AMOT: variants seen among roughly 807,000 people sequenced by gnomAD.
AMOT encodes angiomotin.
A neutral mutation model predicts 67.0 loss-of-function variants in AMOT; 11 were observed. The ratio of observed to expected loss-of-function variants is 0.16; its 90% CI spans 0.10 to 0.27. The LOEUF (loss-of-function observed/expected upper bound fraction) is 0.27. Among genes scored for constraint, AMOT ranks in the 10% least tolerant of loss-of-function variants. The pLI is 1.00. For synonymous variants in AMOT, 326 were observed against 321.4 expected (o/e 1.01, Z -0.15); for missense variants, 753 against 852.0 (o/e 0.88, Z 1.45).
intron 4 of AMOT, among the ~76,000 whole-genome samples, chrX:112,816,716 T>C (rs1002642483): frequency 1.8e-5 from 2 of 111,970 alleles, no homozygotes; most frequent in Non-Finnish European, 3.8e-5. Context: ...GATAGAATCC[T>C]TCTTTCCCAA....
chrX:112,782,394 C>T, intron 11 of AMOT, 146 bp downstream of exon 11: 2 of 756,306 alleles, frequency 2.6e-6, no homozygotes, highest in Non-Finnish European at 4.0e-6. Context: ...AAGGTCATTG[C>T]ATCTCACACC....
intron 2 of AMOT, among the ~76,000 whole-genome samples, chrX:112,830,685 C>T (rs1934966127): frequency 2.7e-5 from 3 of 111,874 alleles, no homozygotes; most frequent in Non-Finnish European, 5.6e-5. Flanking sequence ...CAGTGGCTTG[C>T]GAAATGGCAG....
rs752196200 is a variant in AMOT, at chrX:112,780,915, C to T, written c.2444G>A (p.Arg815Gln). The T allele has an allele frequency of 9.1e-6, 11 of 1,211,787 alleles. No homozygotes were observed. Among genetic ancestry groups the T allele is most frequent in the South Asian group, 1.8e-5 (1 of 56,987 alleles). The change falls in exon 12 of 14, where the codon CGA becomes CAA. Residue 815 changes from arginine (R) to glutamine (Q), a missense_variant. Coordinates refer to ENST00000371959, the MANE Select transcript of AMOT (RefSeq NM_001113490.2). ...GCTCCCCTTCCAGCTCTTGTCGTCT[C>T]GCTTTTCTTCCATGATGGGGGAGCC... ...LTGSPIMEEKRDDKSWKGSLG... is the reference protein window; with the variant it reads ...LTGSPIMEEKQDDKSWKGSLG...
At chrX:112,803,106 C>T (rs1408108955) in intron 8 of AMOT, among the ~76,000 whole-genome samples, 1 of 111,131 alleles carries the variant, frequency 9.0e-6, no homozygotes, top group Non-Finnish European at 1.9e-5. Context: ...AAAGGCCCGA[C>T]GAGTGAAGAA....
intron 2 of AMOT, among the ~76,000 whole-genome samples, chrX:112,831,929 C>G (rs768940019): frequency 1.3e-3 from 139 of 111,031 alleles, no homozygotes; most frequent in African/African-American, 4.2e-3. Context: ...CCATATATCT[C>G]CAAGCTAGAC....
intron 1 of AMOT, among the ~76,000 whole-genome samples, chrX:112,839,211 C>T (rs190349515): frequency 6.9e-4 from 77 of 112,399 alleles, no homozygotes; most frequent in African/African-American, 2.3e-3. Context: ...ACAGGCTTGA[C>T]GCACTTGTCC....
intron 11 of AMOT, among the ~76,000 whole-genome samples, chrX:112,781,800 T>C (rs772444043): frequency 2.7e-5 from 3 of 112,084 alleles, no homozygotes; most frequent in East Asian, 5.6e-4. Context: ...ATGAGATCTA[T>C]GAATGAGCGA....
In AMOT at chrX:112,779,551, C is replaced by T. The variant is rs1233263493; in HGVS notation, c.2603G>A (p.Arg868His). 3 of 1,209,036 alleles carry T rather than the reference C, an allele frequency of 2.5e-6. No homozygotes were observed. The highest frequency in any genetic ancestry group is 3.5e-5 in the South Asian group (2 of 56,707). Residue 868 changes from arginine (R) to histidine (H), a missense_variant, in exon 13 of 14, where the codon CGT becomes CAT. Transcript: ENST00000371959. The stretch of plus-strand genomic sequence containing the variant: ...TGCAGTTTTGTTCGATTCCGTCCCA[C>T]GTTCAGTTTGGGTACTGCAGTCTCG... ...GSRDCSTQTE[R>H]GTESNKTAAV...
intron 5 of AMOT, among the ~76,000 whole-genome samples, chrX:112,813,962 G>A (rs772286123): frequency 8.0e-5 from 9 of 112,232 alleles, no homozygotes; most frequent in African/African-American, 2.6e-4. Flanking sequence ...GGACAGGGAA[G>A]CCATTTTCCT....
At chrX:112,835,059 C>A (rs1259995281) in intron 1 of AMOT, among the ~76,000 whole-genome samples, 1 of 112,325 alleles carries the variant, frequency 8.9e-6, no homozygotes, top group Non-Finnish European at 1.9e-5. Flanking sequence ...AAAAGGAACA[C>A]CTGCTCAAGA....
chrX:112,796,685 C>T (rs1023661023), intron 8 of AMOT, among the ~76,000 whole-genome samples: 5 of 111,905 alleles, frequency 4.5e-5, no homozygotes, highest in African/African-American at 6.5e-5. Flanking sequence ...CCCTGACTCC[C>T]GCCTCCTACA....
rs1172945787 is a variant in AMOT at position 112,776,077 on chromosome X, G to A, written c.*2490C>T. The A allele has an allele frequency of 1.8e-5, 2 of 112,273 alleles. No homozygotes were observed. The highest frequency in any genetic ancestry group is 6.5e-5 in the African/African-American group (2 of 30,890). 9.3% of individuals were successfully genotyped at this position (112,273 alleles called of 1,213,427 possible). On this transcript the variant is annotated 3_prime_UTR_variant, in exon 14 of 14. Transcript: ENST00000371959. ...TATTTTAGCAAATTATCGGGGATTG[G>A]AAACTGAACAGAGAAGAACTGTCTC...
Position 112,779,642 on chromosome X carries a change from G to C in AMOT, c.2512C>G (p.Pro838Ala), listed in dbSNP as rs1415227246. The C allele has an allele frequency of 1.7e-6, 2 of 1,206,997 alleles. No homozygotes were observed. Among genetic ancestry groups the C allele is most frequent in the African/African-American group, 3.5e-5 (2 of 56,661 alleles). The change falls in exon 13 of 14, where the codon CCT (proline) becomes GCT (alanine). Residue 838 changes from proline to alanine, a missense_variant. Pro to Ala is a conservative substitution (Grantham distance 27, BLOSUM62 -1). Coordinates refer to ENST00000371959, the MANE Select transcript of AMOT (RefSeq NM_001113490.2). The stretch of plus-strand genomic sequence containing the variant: ...GGTGGCACAGGCGAGGGTGTGGAAG[G>C]GACATATTCAGCACGGTAGTCTCCA... Reference protein sequence around the residue: ...LGGDYRAEYVPSTPSPVPPST... With the variant: ...LGGDYRAEYVASTPSPVPPST...
chrX:112,808,984 G>A (rs956449831), intron 7 of AMOT, among the ~76,000 whole-genome samples: 19 of 111,955 alleles, frequency 1.7e-4, no homozygotes, highest in Non-Finnish European at 3.6e-4. Context: ...AAGATCAAAC[G>A]AACTTGTAAA....
chrX:112,812,681 A>G (rs913144702), intron 5 of AMOT, among the ~76,000 whole-genome samples: 1 of 112,280 alleles, frequency 8.9e-6, no homozygotes, highest in African/African-American at 3.2e-5. Context: ...TTCAGATTAA[A>G]TTGGACTCTG....
intron 11 of AMOT, among the ~76,000 whole-genome samples, chrX:112,781,467 A>C (rs943112987): frequency 9.3e-6 from 1 of 107,242 alleles, no homozygotes; most frequent in Non-Finnish European, 1.9e-5. Context: ...AAAAAAAAAA[A>C]ACCTTCTTGC....
At chrX:112,786,633 T>G (rs1933370874) in intron 10 of AMOT, among the ~76,000 whole-genome samples, 1 of 111,988 alleles carries the variant, frequency 8.9e-6, no homozygotes, top group Admixed American at 9.5e-5. Context: ...TAGCCTCAAT[T>G]AGTATCTTAC....
intron 8 of AMOT, among the ~76,000 whole-genome samples, chrX:112,800,249 T>C (rs1252968416): frequency 9.6e-6 from 1 of 104,192 alleles, no homozygotes; most frequent in Non-Finnish European, 2.0e-5. Flanking sequence ...AATAAATAAA[T>C]AAATAAAAAA....
In AMOT at chrX:112,811,388, C is replaced by T; in HGVS notation, c.1398G>A (p.Glu466=). The T allele has an allele frequency of 1.7e-6, 2 of 1,204,915 alleles. No individual in the cohort carries two copies. The highest frequency in any genetic ancestry group is 1.1e-6 in the Non-Finnish European group (1 of 891,418). The change falls in exon 6 of 14, where the codon GAG becomes GAA. Residue 466 remains glutamate (E), a synonymous_variant. Coordinates refer to ENST00000371959, the MANE Select transcript of AMOT (RefSeq NM_001113490.2). ...CCTCCGAGACGCGCTGGATTTCTGTCTCCACCTTAACAACAAAAAAAGACA... is the reference window on the plus strand; with the variant it reads ...CCTCCGAGACGCGCTGGATTTCTGTTTCCACCTTAACAACAAAAAAAGACA... ...YEKVARLQKV[E]TEIQRVSEAY... is the part of the protein sequence containing the mutation.
Sources: gnomAD v4.1 joint callset for allele counts (sites outside exome capture counted in the v4.1 genomes callset) on GRCh38, gnomAD v4.1.1 for gene constraint, MANE v1.5 for transcripts, NCBI Gene and HGNC (gene_info 2026-07-23, HGNC 2026-07-21) for gene names.